The following EYS variants were observed in gnomAD, a reference collection of about 807,000 sequenced individuals.
EYS encodes the protein protein eyes shut homolog.
A neutral mutation model predicts 282.1 loss-of-function variants in EYS; 250 were observed. The observed-to-expected ratio is 0.89, with a 90% CI of 0.80 to 0.98. EYS has a LOEUF of 0.98. Ranked by LOEUF, EYS falls within the 50% of genes least tolerant of loss-of-function variation. The pLI, the probability that EYS is intolerant of heterozygous loss-of-function variation, is 0.00. For synonymous variants in EYS, 1,355 were observed against 1,282.9 expected, an observed-to-expected ratio of 1.06 and a Z score of -1.20; for missense variants, 4,016 against 3,709.0, an observed-to-expected ratio of 1.08 and a Z score of -2.15.
At chr6:64,945,597 A>G (rs1301265171) in intron 15 of EYS, among the ~76,000 whole-genome samples, 196 bp downstream of exon 15, 1 of 152,110 alleles carries the variant, frequency 6.6e-6, no homozygotes, top group Admixed American at 6.6e-5. Flanking sequence ...ATTTGTTTAT[A>G]CTTTGTTGAC....
At chr6:65,451,380 G>A (rs970457629) in intron 5 of EYS, among the ~76,000 whole-genome samples, 1 of 152,024 alleles carries the variant, frequency 6.6e-6, no homozygotes, top group Non-Finnish European at 1.5e-5. Context: ...AAGAATTTAT[G>A]TATTTACTAC....
intron 31 of EYS, among the ~76,000 whole-genome samples, chr6:64,224,855 T>C (rs934088625): frequency 6.6e-6 from 1 of 151,974 alleles, no homozygotes; most frequent in East Asian, 1.9e-4. Context: ...TGTGTTGAAA[T>C]AAAGAAGAGG....
At chr6:63,734,444 G>A (rs13217694) in intron 41 of EYS, among the ~76,000 whole-genome samples, 9,091 of 152,132 alleles carry the variant, frequency 0.06, 359 homozygotes, top group Non-Finnish European at 0.094. Flanking sequence ...AAACAATATC[G>A]CTTTGGTTGC....
chr6:65,492,137 T>G (rs1361118070), intron 4 of EYS, among the ~76,000 whole-genome samples: 1 of 152,202 alleles, frequency 6.6e-6, no homozygotes, highest in Non-Finnish European at 1.5e-5. Context: ...TTTTGACAAT[T>G]CTACATATTT....
At chr6:63,998,751 A>T (rs903456934) in intron 34 of EYS, among the ~76,000 whole-genome samples, 2 of 151,308 alleles carry the variant, frequency 1.3e-5, no homozygotes, top group African/African-American at 4.9e-5. Context: ...TTTTTAAAAA[A>T]TTGTCATATT....
chr6:64,162,803 T>A (rs1252436331), intron 31 of EYS, among the ~76,000 whole-genome samples: 1 of 152,156 alleles, frequency 6.6e-6, no homozygotes, highest in African/African-American at 2.4e-5. Flanking sequence ...TATATCACAA[T>A]AAAGATTATG....
At chr6:64,615,102 A>G (rs779189005) in intron 24 of EYS, among the ~76,000 whole-genome samples, 2 of 151,674 alleles carry the variant, frequency 1.3e-5, no homozygotes, top group African/African-American at 2.4e-5. Context: ...TACATTGTCA[A>G]CTCTCCATTA....
intron 29 of EYS, among the ~76,000 whole-genome samples, chr6:64,317,786 C>G (rs1301322098): frequency 6.6e-6 from 1 of 152,070 alleles, no homozygotes; most frequent in Non-Finnish European, 1.5e-5. Context: ...ACCCAAATGC[C>G]CATGAATGAT....
At chr6:65,259,178 C>T (rs755397003) in intron 12 of EYS, among the ~76,000 whole-genome samples, 1 of 151,902 alleles carries the variant, frequency 6.6e-6, no homozygotes, top group Non-Finnish European at 1.5e-5. Flanking sequence ...AGACTTTGGT[C>T]AATGAAAAGT....
chr6:65,234,071 T>A (rs796458876), intron 12 of EYS, among the ~76,000 whole-genome samples: 3 of 150,524 alleles, frequency 2.0e-5, no homozygotes, highest in African/African-American at 7.3e-5. Context: ...AGCCTCTTCT[T>A]AGTCACTGCC....
intron 33 of EYS, among the ~76,000 whole-genome samples, chr6:63,999,449 A>T (rs1767979030): frequency 6.6e-6 from 1 of 152,216 alleles, no homozygotes; most frequent in Non-Finnish European, 1.5e-5. Flanking sequence ...CTCCCACAAA[A>T]TAAAAAGAGC....
At chr6:65,627,142 C>CT (rs1766731867) in intron 2 of EYS, among the ~76,000 whole-genome samples, 1 of 152,088 alleles carries the variant, frequency 6.6e-6, no homozygotes, top group African/African-American at 2.4e-5. Flanking sequence ...ACAGTATTTA[C>CT]TTTAAGTCTG....
At chr6:64,732,948 G>T (rs927498503) in intron 22 of EYS, among the ~76,000 whole-genome samples, 2 of 152,138 alleles carry the variant, frequency 1.3e-5, no homozygotes, top group African/African-American at 4.8e-5. Context: ...AAATAAAGCT[G>T]ACCATCTATC....
At chr6:64,494,064 T>C (rs976767456) in intron 26 of EYS, among the ~76,000 whole-genome samples, 4 of 151,610 alleles carry the variant, frequency 2.6e-5, no homozygotes, top group Non-Finnish European at 5.9e-5. Flanking sequence ...AATTGTCTTA[T>C]TCACACAGTG....
chr6:65,363,168 T>C (rs9445526), intron 8 of EYS, among the ~76,000 whole-genome samples: 98,999 of 148,240 alleles, frequency 0.67, 34,530 homozygotes, highest in South Asian at 0.71. Flanking sequence ...TAAATGATTA[T>C]CTTACTCATT....
chr6:64,789,421 T>A (rs1282692883), intron 22 of EYS, among the ~76,000 whole-genome samples: 1 of 152,086 alleles, frequency 6.6e-6, no homozygotes, highest in Non-Finnish European at 1.5e-5. Context: ...TACACACACA[T>A]GCTAACATGC....
intron 1 of EYS, among the ~76,000 whole-genome samples, chr6:65,697,620 A>G (rs1315392069): frequency 6.6e-6 from 1 of 152,136 alleles, no homozygotes; most frequent in African/African-American, 2.4e-5. Flanking sequence ...AGAAAATAAC[A>G]GTATGTTTTC....
chr6:64,910,300 G>A (rs1401011987), intron 16 of EYS, among the ~76,000 whole-genome samples: 1 of 152,128 alleles, frequency 6.6e-6, no homozygotes, highest in Admixed American at 6.6e-5. Flanking sequence ...AAGTAACCCA[G>A]TCAAAGCTTC....
intron 31 of EYS, among the ~76,000 whole-genome samples, chr6:64,196,062 C>A (rs868279304): frequency 5.8e-4 from 89 of 152,242 alleles, no homozygotes; most frequent in African/African-American, 1.9e-3. Flanking sequence ...AAACAAAGAA[C>A]CCCATCAAAA....
Sources: gnomAD v4.1 joint callset for allele counts (sites outside exome capture counted in the v4.1 genomes callset) on GRCh38, gnomAD v4.1.1 for gene constraint, MANE v1.5 for transcripts, NCBI Gene and HGNC (gene_info 2026-07-23, HGNC 2026-07-21) for gene names.